SH3KBP1: variants seen among roughly 807,000 people sequenced by gnomAD.
The protein encoded by SH3KBP1 is SH3 domain containing kinase binding protein 1.
SH3KBP1 carries 8 observed loss-of-function variants against 50.1 expected under a neutral mutation model. The observed-to-expected ratio is 0.16, with a 90% CI of 0.09 to 0.29. The LOEUF (loss-of-function observed/expected upper bound fraction) is 0.29. SH3KBP1 is among the 10% of genes least tolerant of loss of function. The pLI is 1.00. For missense variants in SH3KBP1, 377 were observed against 535.2 expected, an observed-to-expected ratio of 0.70 and a Z score of 2.92; for synonymous variants, 227 against 218.6, an observed-to-expected ratio of 1.04 and a Z score of -0.34.
intron 7 of SH3KBP1, among the ~76,000 whole-genome samples, chrX:19,642,638 A>G (rs747091127): frequency 3.6e-5 from 4 of 111,752 alleles, no homozygotes; most frequent in Non-Finnish European, 7.5e-5. Flanking sequence ...GAGGCCACAA[A>G]TCTGTATCAA....
chrX:19,775,115 G>A lies in SH3KBP1; in HGVS notation c.163-28674C>T, dbSNP rs778920410. Among the ~76,000 whole-genome samples, 5 of 111,438 alleles carry A rather than the reference G, an allele frequency of 4.5e-5. No individual in the cohort carries two copies. In the East Asian group the frequency reaches 8.4e-4, roughly 19 times the overall value. On this transcript the variant is annotated intron_variant, in intron 2 of 17. Coordinates refer to ENST00000397821, the MANE Select transcript of SH3KBP1 (RefSeq NM_031892.3). ...CATCAGGGGACTTTATCAGACTGGA[G>A]GGCAGAAACCATCCAAACTGACTTG...
rs762730998 is a variant in SH3KBP1, at chrX:19,765,702, A to T, written c.163-19261T>A. Reference sequence around the variant, plus strand: ...AAACTGAAAAAGAAGCTCTGTACCCATTAAACAACTCCTTTCTCCCCTCCC... The same window carrying T: ...AAACTGAAAAAGAAGCTCTGTACCCTTTAAACAACTCCTTTCTCCCCTCCC... On this transcript the variant is annotated intron_variant, in intron 2 of 17. Transcript: ENST00000397821. Among the ~76,000 whole-genome samples the T allele has an allele frequency of 3.6e-5, 4 of 111,603 alleles. No homozygotes were observed. The South Asian group carries it at 1.5e-3, about 42-fold the overall frequency.
chrX:19,710,164 A>T (rs2063740988), intron 3 of SH3KBP1, among the ~76,000 whole-genome samples: 1 of 112,130 alleles, frequency 8.9e-6, no homozygotes, highest in South Asian at 3.7e-4. Flanking sequence ...AGAAATAAAC[A>T]ATTCATAACT....
intron 3 of SH3KBP1, among the ~76,000 whole-genome samples, chrX:19,717,614 T>C (rs895009992): frequency 8.9e-6 from 1 of 111,791 alleles, no homozygotes; most frequent in Admixed American, 9.4e-5. Flanking sequence ...CAATGCCATC[T>C]GGAATTGTTG....
intron 4 of SH3KBP1, among the ~76,000 whole-genome samples, chrX:19,705,149 C>T (rs2063624266): frequency 8.9e-6 from 1 of 112,019 alleles, no homozygotes; most frequent in South Asian, 3.7e-4. Context: ...AATTAACAGT[C>T]GAGTGGAACA....
intron 1 of SH3KBP1, among the ~76,000 whole-genome samples, chrX:19,878,850 T>C (rs1048536952): frequency 6.2e-5 from 7 of 112,717 alleles, no homozygotes; most frequent in African/African-American, 1.9e-4. Flanking sequence ...TTTTGTTACA[T>C]GTTTTAGCAT....
chrX:19,621,599 T>TA (rs11423573), intron 8 of SH3KBP1, among the ~76,000 whole-genome samples: 13,423 of 111,545 alleles, frequency 0.12, 1,890 homozygotes, highest in African/African-American at 0.41. Context: ...GAATGGTTTT[T>TA]AAAAATCAAA....
intron 10 of SH3KBP1, among the ~76,000 whole-genome samples, chrX:19,594,648 TA>T (rs935052545): frequency 9.8e-5 from 11 of 111,875 alleles, no homozygotes; most frequent in African/African-American, 3.2e-4. Context: ...GCTGTTTACT[TA>T]AAAAAACCCA....
At chrX:19,809,977 TA>T (rs1470779721) in intron 2 of SH3KBP1, among the ~76,000 whole-genome samples, 1 of 112,605 alleles carries the variant, frequency 8.9e-6, no homozygotes, top group African/African-American at 3.2e-5. Flanking sequence ...TAATAGCAAA[TA>T]AATGATATGC....
chrX:19,844,648 C>A (rs1209977386), intron 1 of SH3KBP1, among the ~76,000 whole-genome samples: 1 of 111,727 alleles, frequency 9.0e-6, no homozygotes, highest in African/African-American at 3.3e-5. Context: ...GGCCTTGAGT[C>A]CCCTACCACT....
At chrX:19,687,082 T>C (rs2063182315) in intron 5 of SH3KBP1, among the ~76,000 whole-genome samples, 1 of 112,987 alleles carries the variant, frequency 8.9e-6, no homozygotes. Flanking sequence ...AGGCTACACA[T>C]TGGTCCTGCC....
At chrX:19,656,645 T>C (rs1002672755) in intron 6 of SH3KBP1, among the ~76,000 whole-genome samples, 1 of 111,688 alleles carries the variant, frequency 9.0e-6, no homozygotes, top group African/African-American at 3.3e-5. Flanking sequence ...GAGACAGATA[T>C]GGTGGCTCAA....
At chrX:19,575,984 TTG>T (rs2066184774) in intron 12 of SH3KBP1, among the ~76,000 whole-genome samples, 1 of 111,714 alleles carries the variant, frequency 9.0e-6, no homozygotes, top group Non-Finnish European at 1.9e-5. Flanking sequence ...CTTTTGTAAT[TTG>T]CAAGCTCCTG....
intron 4 of SH3KBP1, among the ~76,000 whole-genome samples, chrX:19,706,494 CT>C (rs1486711737): frequency 9.0e-6 from 1 of 110,592 alleles, no homozygotes. Context: ...AATGTCACTC[CT>C]TTTTTTGCCC....
intron 2 of SH3KBP1, among the ~76,000 whole-genome samples, chrX:19,749,314 G>A (rs1045112191): frequency 1.8e-5 from 2 of 112,281 alleles, no homozygotes; most frequent in African/African-American, 3.2e-5. Context: ...TTGAAAGCAG[G>A]GACCCCAGCA....
chrX:19,759,942 C>G (rs2065326860), intron 2 of SH3KBP1, among the ~76,000 whole-genome samples: 1 of 109,946 alleles, frequency 9.1e-6, no homozygotes, highest in Admixed American at 9.7e-5. Context: ...ACCAAGTTTA[C>G]ACAAATCATA....
chrX:19,779,595 A>G (rs2147105904), intron 2 of SH3KBP1, among the ~76,000 whole-genome samples: 1 of 68,148 alleles, frequency 1.5e-5, no homozygotes, highest in African/African-American at 6.0e-5. Context: ...ACCCCACAAC[A>G]GGCCCCAGAG....
At chrX:19,640,083 G>A (rs1276464422) in intron 7 of SH3KBP1, among the ~76,000 whole-genome samples, 1 of 110,603 alleles carries the variant, frequency 9.0e-6, no homozygotes, top group Non-Finnish European at 1.9e-5. Context: ...TGCAGTAGTT[G>A]CAAAGTGTCC....
At chrX:19,608,294 C>G (rs932451897) in intron 8 of SH3KBP1, among the ~76,000 whole-genome samples, 7 of 99,946 alleles carry the variant, frequency 7.0e-5, no homozygotes, top group Non-Finnish European at 1.2e-4. Context: ...CTTCTTTTAC[C>G]TTTCTTTCTT....
Sources: allele counts gnomAD v4.1 joint callset (sites outside exome capture counted in the v4.1 genomes callset), GRCh38; gene constraint gnomAD v4.1.1; transcripts MANE v1.5; gene names NCBI Gene and HGNC (gene_info 2026-07-23, HGNC 2026-07-21).